SOX6: variants seen among roughly 807,000 people sequenced by gnomAD.
SOX6 encodes the protein transcription factor SOX-6.
SOX6 carries 11 observed loss-of-function variants against 97.8 expected under a neutral mutation model. That is an observed-to-expected ratio of 0.11 (90% confidence interval 0.07 to 0.19). The LOEUF (loss-of-function observed/expected upper bound fraction) is 0.19, where lower values mean the gene tolerates loss of function less well. Among genes scored for constraint, SOX6 ranks in the 10% least tolerant of loss-of-function variants. SOX6 has a pLI of 1.00. For missense variants in SOX6, 810 were observed against 1,039.5 expected (o/e 0.78, Z 3.04); for synonymous variants, 360 against 371.4 (o/e 0.97, Z 0.35).
At chr11:16,651,474 G>C (rs1290766169) in intron 3 of SOX6, among the ~76,000 whole-genome samples, 2 of 152,010 alleles carry the variant, frequency 1.3e-5, no homozygotes, top group Non-Finnish European at 2.9e-5. Flanking sequence ...TTTGACAGAT[G>C]CAAGTCAATA....
rs189432221 is a variant in SOX6 at position 16,181,298 on chromosome 11, T to C, written c.777+2588A>G. ...TGTCTCTGTATTCATCATTTGCTTT[T>C]GAAAGAGAAGTTAAGTTTCATTTTT... On this transcript the variant is annotated intron_variant, in intron 6 of 15. Coordinates refer to ENST00000683767, the MANE Select transcript of SOX6 (RefSeq NM_001367873.1). Among the ~76,000 whole-genome samples, 15 of 151,850 alleles carry C rather than the reference T, an allele frequency of 9.9e-5. No individual in the cohort carries two copies. The East Asian group carries it at 2.3e-3, about 23-fold the overall frequency.
At chr11:16,249,241 T>C (rs1210432509) in intron 3 of SOX6, among the ~76,000 whole-genome samples, 1 of 152,224 alleles carries the variant, frequency 6.6e-6, no homozygotes, top group Non-Finnish European at 1.5e-5. Context: ...TTTTATGCTC[T>C]GCCTCTTCTT....
intron 3 of SOX6, among the ~76,000 whole-genome samples, chr11:16,298,566 T>C (rs1590104254): frequency 1.3e-5 from 2 of 152,088 alleles, no homozygotes; most frequent in African/African-American, 2.4e-5. Flanking sequence ...TATCTGGTCA[T>C]AGAAACTAAG....
At chr11:16,699,700 C>G (rs971445933) in intron 3 of SOX6, among the ~76,000 whole-genome samples, 1 of 151,888 alleles carries the variant, frequency 6.6e-6, no homozygotes. Flanking sequence ...TGATTGCAAG[C>G]AAGAGACTTG....
intron 3 of SOX6, among the ~76,000 whole-genome samples, chr11:16,305,243 A>C (rs535166535): frequency 1.8e-4 from 27 of 152,362 alleles, no homozygotes; most frequent in African/African-American, 6.3e-4. Flanking sequence ...ATTAGAAAAT[A>C]GACCGAAAAC....
intron 6 of SOX6, among the ~76,000 whole-genome samples, chr11:16,164,441 A>G (rs1246488239): frequency 6.6e-6 from 1 of 152,146 alleles, no homozygotes; most frequent in Non-Finnish European, 1.5e-5. Context: ...GTTTATAATA[A>G]TTATTTTTGT....
chr11:16,531,435 C>A (rs993196768), intron 4 of SOX6, among the ~76,000 whole-genome samples: 2 of 151,786 alleles, frequency 1.3e-5, no homozygotes, highest in African/African-American at 4.8e-5. Flanking sequence ...TTAATTCAAG[C>A]TGAATGTATT....
At chr11:16,425,621 C>T (rs746895707) in intron 1 of SOX6, among the ~76,000 whole-genome samples, 2 of 152,158 alleles carry the variant, frequency 1.3e-5, no homozygotes, top group Non-Finnish European at 2.9e-5. Flanking sequence ...TCAGCAAAGT[C>T]TTAGGATACA....
At chr11:16,569,328 C>G (rs1031970264) in intron 4 of SOX6, among the ~76,000 whole-genome samples, 7 of 152,168 alleles carry the variant, frequency 4.6e-5, no homozygotes, top group Non-Finnish European at 7.3e-5. Flanking sequence ...AGAGCTCACT[C>G]TATTCACTGG....
intron 7 of SOX6, among the ~76,000 whole-genome samples, chr11:16,107,583 A>C (rs1849127720): frequency 6.6e-6 from 1 of 151,664 alleles, no homozygotes. Flanking sequence ...TACCTACAAT[A>C]AGCAAATGCA....
intron 9 of SOX6, among the ~76,000 whole-genome samples, chr11:16,094,346 T>A (rs1376249083): frequency 6.6e-6 from 1 of 151,228 alleles, no homozygotes. Flanking sequence ...CCGATCTGAG[T>A]GAAAAATTAG....
At chr11:16,132,288 AAGGAAGGAAGGAAGG>A in intron 6 of SOX6, among the ~76,000 whole-genome samples, 2 of 95,352 alleles carry the variant, frequency 2.1e-5, no homozygotes, top group Non-Finnish European at 4.2e-5. Flanking sequence ...GGAAGGAAGG[AAGGAAGGAAGGAAGG>A]AAGGAAGGAA....
intron 12 of SOX6, among the ~76,000 whole-genome samples, chr11:16,017,619 C>G (rs1328877014): frequency 6.6e-6 from 1 of 152,054 alleles, no homozygotes; most frequent in Non-Finnish European, 1.5e-5. Context: ...GGCAGCTGAG[C>G]TAAGCAAAGA....
chr11:16,721,542 CTCTCTCTCTT>C (rs1371617408), intron 2 of SOX6, among the ~76,000 whole-genome samples: 151 of 44,424 alleles, frequency 3.4e-3, no homozygotes, highest in South Asian at 6.1e-3. Context: ...CTCTCTCTCT[CTCTCTCTCTT>C]CCCCCCCCTC....
At chr11:16,249,890 C>A in intron 3 of SOX6, among the ~76,000 whole-genome samples, 1 of 152,170 alleles carries the variant, frequency 6.6e-6, no homozygotes, top group East Asian at 1.9e-4. Context: ...CCAGTTACTT[C>A]TTTATGGCCA....
chr11:16,172,888 T>C (rs769338952), intron 6 of SOX6, among the ~76,000 whole-genome samples: 1 of 151,984 alleles, frequency 6.6e-6, no homozygotes, highest in Non-Finnish European at 1.5e-5. Context: ...CTTTCTGTCA[T>C]TGTTCTAATA....
At chr11:16,557,722 G>A (rs1035577322) in intron 4 of SOX6, among the ~76,000 whole-genome samples, 5 of 151,424 alleles carry the variant, frequency 3.3e-5, no homozygotes, top group Admixed American at 1.3e-4. Context: ...TATTATTATT[G>A]TAAATGATAA....
At chr11:16,051,826 TGG>T (rs1847693537) in intron 10 of SOX6, among the ~76,000 whole-genome samples, 1 of 152,154 alleles carries the variant, frequency 6.6e-6, no homozygotes, top group South Asian at 2.1e-4. Context: ...CTTTTCTTTC[TGG>T]GCCTCTAATT....
intron 3 of SOX6, among the ~76,000 whole-genome samples, chr11:16,258,907 TAC>T (rs1440695818): frequency 2.6e-5 from 4 of 151,634 alleles, no homozygotes; most frequent in Non-Finnish European, 4.4e-5. Flanking sequence ...TATACATATA[TAC>T]ACACACATAC....
Sources: allele counts gnomAD v4.1 joint callset (sites outside exome capture counted in the v4.1 genomes callset), GRCh38; gene constraint gnomAD v4.1.1; transcripts MANE v1.5; gene names NCBI Gene and HGNC (gene_info 2026-07-23, HGNC 2026-07-21).